Variants in DTWD2 observed in about 807,000 individuals in gnomAD.
DTWD2 encodes tRNA-uridine aminocarboxypropyltransferase 2.
A neutral mutation model predicts 31.8 loss-of-function variants in DTWD2; 39 were observed. The ratio of observed to expected loss-of-function variants is 1.22; its 90% CI spans 0.95 to 1.60. DTWD2 has a LOEUF of 1.60. Ranked by LOEUF, DTWD2 falls within the 40% of genes most tolerant of loss-of-function variation. The pLI, the probability that DTWD2 is intolerant of heterozygous loss-of-function variation, is 0.00. For missense variants in DTWD2, 515 were observed against 381.5 expected (o/e 1.35, Z -2.92); for synonymous variants, 180 against 142.8 (o/e 1.26, Z -1.86).
chr5:118,951,005 G>A (rs377251677), intron 1 of DTWD2, among the ~76,000 whole-genome samples: 1 of 152,056 alleles, frequency 6.6e-6, no homozygotes, highest in Non-Finnish European at 1.5e-5. Context: ...GTCTCTAAGG[G>A]TTGTTGCCAA....
At chr5:118,855,195 C>T (rs12659444) in intron 4 of DTWD2, among the ~76,000 whole-genome samples, 88,782 of 145,124 alleles carry the variant, frequency 0.61, 29,142 homozygotes, top group East Asian at 0.86. Context: ...TCATCATTTT[C>T]GGACCTGTAA....
chr5:118,938,582 C>G (rs1002816887), intron 3 of DTWD2, among the ~76,000 whole-genome samples: 12 of 152,004 alleles, frequency 7.9e-5, no homozygotes, highest in Admixed American at 6.6e-4. Context: ...GGCCCAGTGG[C>G]TCATGCCTGT....
intron 1 of DTWD2, among the ~76,000 whole-genome samples, chr5:118,972,042 G>A (rs192596439): frequency 7.9e-5 from 12 of 151,974 alleles, no homozygotes; most frequent in East Asian, 1.9e-4. Context: ...ATCAACAACC[G>A]AACATCACAA....
chr5:118,867,619 T>C (rs552468367), intron 4 of DTWD2, among the ~76,000 whole-genome samples: 89 of 152,288 alleles, frequency 5.8e-4, no homozygotes, highest in African/African-American at 2.1e-3. Context: ...AAAATACATA[T>C]GGTTAAATCA....
At chr5:118,901,781 A>T (rs1035566435) in intron 4 of DTWD2, among the ~76,000 whole-genome samples, 7 of 152,108 alleles carry the variant, frequency 4.6e-5, no homozygotes, top group Admixed American at 1.3e-4. Flanking sequence ...TATTATTATT[A>T]TTTTTTAAAG....
chr5:118,854,995 C>A (rs1035991385), intron 4 of DTWD2, among the ~76,000 whole-genome samples: 2 of 151,484 alleles, frequency 1.3e-5, no homozygotes, highest in East Asian at 3.9e-4. Flanking sequence ...GGCAACAGGC[C>A]AGTGCCCAGG....
At chr5:118,929,396 AGTGTTCAAACT>A (rs1465501012) in intron 3 of DTWD2, among the ~76,000 whole-genome samples, 1 of 152,162 alleles carries the variant, frequency 6.6e-6, no homozygotes, top group African/African-American at 2.4e-5. Context: ...CAGAGTGCTA[AGTGTTCAAACT>A]GTGTTCAAAT....
intron 4 of DTWD2, among the ~76,000 whole-genome samples, chr5:118,867,105 A>G: frequency 6.6e-6 from 1 of 152,154 alleles, no homozygotes. Flanking sequence ...AATCTACAAA[A>G]ATACATTAAA....
chr5:118,940,138 G>C (rs1754147086), intron 2 of DTWD2, among the ~76,000 whole-genome samples: 1 of 152,138 alleles, frequency 6.6e-6, no homozygotes, highest in Admixed American at 6.6e-5. Flanking sequence ...GGCCATTTCT[G>C]AAAAAGCCAT....
intron 4 of DTWD2, among the ~76,000 whole-genome samples, chr5:118,899,786 T>C (rs1264909207): frequency 6.6e-6 from 1 of 151,030 alleles, no homozygotes; most frequent in African/African-American, 2.4e-5. Context: ...ATATAAGTCA[T>C]ACTTCGTTTT....
chr5:118,938,926 G>C (rs1338125245), intron 3 of DTWD2, among the ~76,000 whole-genome samples: 2 of 149,812 alleles, frequency 1.3e-5, no homozygotes, highest in African/African-American at 4.9e-5. Flanking sequence ...AAGTATATTT[G>C]CCTTTTAAGT....
chr5:118,975,621 A>AT (rs1319016604), intron 1 of DTWD2, among the ~76,000 whole-genome samples: 1 of 151,856 alleles, frequency 6.6e-6, no homozygotes, highest in African/African-American at 2.4e-5. Context: ...GGTTTTTGGG[A>AT]TTTTCAGCCT....
At chr5:118,958,435 G>T (rs1172241388) in intron 1 of DTWD2, among the ~76,000 whole-genome samples, 1 of 151,486 alleles carries the variant, frequency 6.6e-6, no homozygotes, top group Non-Finnish European at 1.5e-5. Context: ...TCCAGCCAGG[G>T]CAACAAAGCA....
chr5:118,918,828 G>GAA (rs77545480), intron 4 of DTWD2, among the ~76,000 whole-genome samples: 2 of 124,718 alleles, frequency 1.6e-5, no homozygotes, highest in African/African-American at 2.9e-5. Context: ...TCTCTACCAG[G>GAA]AAAAAAAAAA....
At chr5:118,894,564 G>T (rs1168201162) in intron 4 of DTWD2, among the ~76,000 whole-genome samples, 3 of 151,982 alleles carry the variant, frequency 2.0e-5, no homozygotes, top group African/African-American at 7.2e-5. Context: ...CTTGTTCAAG[G>T]TATTTTCAAA....
intron 4 of DTWD2, among the ~76,000 whole-genome samples, chr5:118,854,102 CACTT>C (rs1752075857): frequency 6.6e-6 from 1 of 152,010 alleles, no homozygotes; most frequent in Non-Finnish European, 1.5e-5. Context: ...TGAGGTAGCT[CACTT>C]ACAGCATACA....
At chr5:118,908,281 C>A (rs781495068) in intron 4 of DTWD2, among the ~76,000 whole-genome samples, 1 of 152,096 alleles carries the variant, frequency 6.6e-6, no homozygotes, top group Non-Finnish European at 1.5e-5. Context: ...AGGAGTGATA[C>A]GGGTGAGTTC....
intron 4 of DTWD2, among the ~76,000 whole-genome samples, chr5:118,926,685 C>G (rs75756891): frequency 0.035 from 5,255 of 152,186 alleles, 112 homozygotes; most frequent in African/African-American, 0.051. Context: ...ATCCATCTCG[C>G]CCCTTTTGTT....
At chr5:118,924,890 A>C (rs1331418868) in intron 4 of DTWD2, among the ~76,000 whole-genome samples, 2 of 152,184 alleles carry the variant, frequency 1.3e-5, no homozygotes, top group African/African-American at 4.8e-5. Flanking sequence ...GTTATCTAAG[A>C]TGCCAATACT....
Sources: allele counts gnomAD v4.1 joint callset (sites outside exome capture counted in the v4.1 genomes callset), GRCh38; gene constraint gnomAD v4.1.1; transcripts MANE v1.5; gene names NCBI Gene and HGNC (gene_info 2026-07-23, HGNC 2026-07-21).